The following MTHFSD variants were observed in gnomAD, a reference collection of about 807,000 sequenced individuals.
MTHFSD encodes the protein methenyltetrahydrofolate synthetase domain containing.
MTHFSD carries 37 observed loss-of-function variants against 31.1 expected under a neutral mutation model. The ratio of observed to expected loss-of-function variants is 1.19; its 90% CI spans 0.91 to 1.56. The LOEUF is 1.56. MTHFSD is among the 40% of genes most tolerant of loss of function. The probability of loss-of-function intolerance (pLI) is 0.00; values close to 1 mark genes in which losing one functional copy is unlikely to be tolerated. For synonymous variants in MTHFSD, 221 were observed against 206.9 expected (o/e 1.07, Z -0.59); for missense variants, 664 against 510.1 (o/e 1.30, Z -2.91).
At chr16:86,555,057 C>T in intron 1 of MTHFSD, 112 bp downstream of exon 1, 2 of 1,477,254 alleles carry the variant, frequency 1.4e-6, no homozygotes, top group East Asian at 2.5e-5. Context: ...CGGCCGCTTC[C>T]GGTGATTCTG....
chr16:86,540,911 G>C (rs750928907), intron 7 of MTHFSD: 5 of 1,134,298 alleles, frequency 4.4e-6, no homozygotes, highest in Non-Finnish European at 5.5e-6. Context: ...GAAAGTCCCG[G>C]CTGGGCTGTG....
chr16:86,547,857 T>C (rs1972560858), intron 4 of MTHFSD, among the ~76,000 whole-genome samples: 1 of 152,160 alleles, frequency 6.6e-6, no homozygotes, highest in Non-Finnish European at 1.5e-5. Context: ...GATTAAAAAT[T>C]AAATGACTTG....
At chr16:86,533,886 A>T (rs3751797) in intron 7 of MTHFSD, 50,649 of 152,074 alleles carry the variant, frequency 0.33, 9,056 homozygotes, top group East Asian at 0.52. Flanking sequence ...GTCTTCTCTC[A>T]TCTAATACCT....
rs940375589 is a variant in MTHFSD, at chr16:86,531,476, A to G, written c.*535T>C. 5.9e-5 allele frequency: 9 copies of G among 152,260 alleles called. No homozygotes were observed. The East Asian group carries it at 1.7e-3, about 30-fold the overall frequency. 9.4% of individuals were successfully genotyped at this position (152,260 alleles called of 1,614,324 possible). On this transcript the variant is annotated 3_prime_UTR_variant, in exon 8 of 8. Coordinates refer to ENST00000360900, the MANE Select transcript of MTHFSD (RefSeq NM_001159377.2). The surrounding 1 kb of genome is among the most constrained non-coding windows in gnomAD (Gnocchi z 5.5). ...AGGACTGATCTGAGCTGCAGTGAGC[A>G]CTTTTTACCCAGGGGCTGAGCTTCC... is the stretch of plus-strand genomic sequence containing the variant.
chr16:86,541,170 C>A, intron 7 of MTHFSD: 5 of 1,289,558 alleles, frequency 3.9e-6, no homozygotes, highest in Non-Finnish European at 4.0e-6. Context: ...CTACTGCAGA[C>A]TAATTTGCAA....
At chr16:86,548,117 G>A (rs1282643215) in intron 4 of MTHFSD, 1 of 1,296,366 alleles carries the variant, frequency 7.7e-7, no homozygotes, top group South Asian at 1.2e-5. Flanking sequence ...GGCACCTGAT[G>A]AACAGGCCGG....
intron 2 of MTHFSD, among the ~76,000 whole-genome samples, chr16:86,553,918 A>G (rs1049567632): frequency 1.4e-4 from 21 of 152,194 alleles, no homozygotes; most frequent in Admixed American, 3.9e-4. Context: ...GAATGCACCA[A>G]TGGGCACTCT....
At chr16:86,553,534 G>C (rs763303952) in intron 2 of MTHFSD, 2 of 152,746 alleles carry the variant, frequency 1.3e-5, no homozygotes, top group East Asian at 3.8e-4. Flanking sequence ...GCCCTGGGCA[G>C]TGAGGGGCTT....
rs1202103924 is a variant in MTHFSD at position 86,542,664 on chromosome 16, G to A, written c.443-451C>T. ...CAGGAGTGTGTGAGGGCATGGCCTT[G>A]TTTCTTCAAAAGCACTGAATACTCA... is the stretch of plus-strand genomic sequence containing the variant. On this transcript the variant is annotated intron_variant, in intron 5 of 7. Transcript: ENST00000360900. The surrounding 1 kb of genome is among the most constrained non-coding windows in gnomAD (Gnocchi z 4.6). The A allele has an allele frequency of 6.2e-6, 1 of 160,350 alleles. No individual in the cohort carries two copies. Among genetic ancestry groups the A allele is most frequent in the Admixed American group, 6.2e-5 (1 of 16,012 alleles). The allele number at this position is 160,350 out of a possible 1,614,324, so 9.9% of individuals were successfully genotyped here.
At chr16:86,541,010 T>A in intron 7 of MTHFSD, 1 of 1,171,134 alleles carries the variant, frequency 8.5e-7, no homozygotes. Context: ...GGTGAATGAT[T>A]TGGGATTAAA....
In MTHFSD at chr16:86,548,510, G is replaced by T; in HGVS notation, c.305C>A (p.Pro102His). 1 of 1,613,850 alleles carries T rather than the reference G, an allele frequency of 6.2e-7. No homozygotes were observed. Among genetic ancestry groups the T allele is most frequent in the South Asian group, 1.1e-5 (1 of 90,972 alleles). ...CAAGATGTCTTTAGTTGCCCCAGGG[G>T]GTGGTGTGATCTTATTAAACAATCC... ...RTGLFNKITPPPGATKDILRK... is the reference protein window; with the variant it reads ...RTGLFNKITPHPGATKDILRK... The change falls in exon 4 of 8, where the codon CCC (proline) becomes CAC (histidine). Residue 102 changes from proline (P) to histidine (H), a missense_variant. Pro to His is a moderately conservative substitution (Grantham distance 77, BLOSUM62 -2). Transcript: ENST00000360900.
chr16:86,552,981 G>A (rs1194366716), intron 2 of MTHFSD, among the ~76,000 whole-genome samples: 2 of 152,078 alleles, frequency 1.3e-5, no homozygotes, highest in South Asian at 2.1e-4. Flanking sequence ...TGCCTCTTCC[G>A]AGTAACCTTT....
At chr16:86,547,449 C>T (rs1293378035) in intron 4 of MTHFSD, 15 of 986,096 alleles carry the variant, frequency 1.5e-5, no homozygotes, top group African/African-American at 1.7e-5. Flanking sequence ...TCAGTGCATA[C>T]GGGTGGCTTG....
chr16:86,553,039 C>A (rs1297276006), intron 2 of MTHFSD, among the ~76,000 whole-genome samples: 1 of 152,006 alleles, frequency 6.6e-6, no homozygotes, highest in African/African-American at 2.4e-5. Context: ...GATTGTCTTA[C>A]ATTTTGATCA....
rs766730730 is a variant in MTHFSD, at chr16:86,541,834, G to C, written c.556-12C>G. 7.4e-6 allele frequency: 12 copies of C among 1,613,528 alleles called. No homozygotes were observed. Among genetic ancestry groups the C allele is most frequent in the Non-Finnish European group, 1.0e-5 (12 of 1,179,646 alleles). On this transcript the variant is annotated splice_polypyrimidine_tract_variant and intron_variant, in intron 6 of 7. Coordinates refer to ENST00000360900, the MANE Select transcript of MTHFSD (RefSeq NM_001159377.2). ...GGGATGTCCACGACCTGGGGGAAGA[G>C]AGGAGGGATAAAGGGGCTGCTGGGA...
intron 1 of MTHFSD, 154 bp from the exon 2 acceptor site, chr16:86,554,905 C>G (rs943424174): frequency 2.8e-6 from 3 of 1,070,140 alleles, no homozygotes; most frequent in South Asian, 3.3e-5. Context: ...AAGGGGCCCA[C>G]GGGCTCCCCC....
chr16:86,534,478 AC>A (rs1970405513), intron 7 of MTHFSD, among the ~76,000 whole-genome samples: 1 of 152,190 alleles, frequency 6.6e-6, no homozygotes, highest in Admixed American at 6.5e-5. Flanking sequence ...TTGAGGTGCT[AC>A]TGGACACAGA....
rs1970008620 is a variant in MTHFSD, at chr16:86,531,739, G to T, written c.*272C>A. The stretch of plus-strand genomic sequence containing the variant: ...CTGGCCCCTCTGCTCTGTCCCTCCA[G>T]AGAAACAGAAACCGACTCAAGGCCC... On this transcript the variant is annotated 3_prime_UTR_variant, in exon 8 of 8. Coordinates refer to ENST00000360900, the MANE Select transcript of MTHFSD (RefSeq NM_001159377.2). This position sits in a 1 kb window ranked among gnomAD's most constrained non-coding sequence, Gnocchi z 5.5. The T allele has an allele frequency of 3.1e-6, 1 of 318,300 alleles. No homozygotes were observed. The highest frequency in any genetic ancestry group is 5.7e-6 in the Non-Finnish European group (1 of 174,820). 19.7% of individuals were successfully genotyped at this position (318,300 alleles called of 1,614,324 possible).
chr16:86,554,069 G>A (rs1044071472), intron 2 of MTHFSD, among the ~76,000 whole-genome samples: 5 of 152,184 alleles, frequency 3.3e-5, no homozygotes, highest in African/African-American at 1.2e-4. Flanking sequence ...GGTGGGGCCA[G>A]ATAAGAGATT....
Sources: allele counts gnomAD v4.1 joint callset (sites outside exome capture counted in the v4.1 genomes callset), GRCh38; gene constraint gnomAD v4.1.1; non-coding constraint Gnocchi (gnomAD v3.1); transcripts MANE v1.5; gene names NCBI Gene and HGNC (gene_info 2026-07-23, HGNC 2026-07-21).